Variants in MCPH1 observed in about 807,000 individuals in gnomAD.
MCPH1 encodes the protein microcephalin.
Under a neutral mutation model 84.5 loss-of-function variants are expected in MCPH1, and 104 were observed. The observed-to-expected ratio is 1.23, with a 90% CI of 1.05 to 1.45. The LOEUF (loss-of-function observed/expected upper bound fraction) is 1.45, where lower values mean the gene tolerates loss of function less well. Among genes scored for constraint, MCPH1 ranks in the 40% most tolerant of loss-of-function variants. The pLI is 0.00. For synonymous variants in MCPH1, 514 were observed against 366.8 expected (o/e 1.40, Z -4.58); for missense variants, 1,498 against 1,005.7 (o/e 1.49, Z -6.62).
At chr8:6,415,116 G>C (rs1486259952) in intron 3 of MCPH1, among the ~76,000 whole-genome samples, 1 of 151,906 alleles carries the variant, frequency 6.6e-6, no homozygotes, top group African/African-American at 2.4e-5. Flanking sequence ...TCCTGAAGCT[G>C]GGTATGCAAG....
intron 12 of MCPH1, among the ~76,000 whole-genome samples, chr8:6,581,022 G>T (rs1827527646): frequency 1.3e-5 from 2 of 152,130 alleles, no homozygotes; most frequent in Admixed American, 1.3e-4. Flanking sequence ...TATTTACATA[G>T]CATTTACATT....
rs148974422 is a variant in MCPH1, at chr8:6,646,461, T to C, written c.*3412T>C. On this transcript the variant is annotated 3_prime_UTR_variant, in exon 14 of 14. Transcript: ENST00000344683. ...ATTCAGGTATAAATCTTCATATTTATGGCTGATTGACTTTGAACAAAGGTG... is the reference window on the plus strand; with the variant it reads ...ATTCAGGTATAAATCTTCATATTTACGGCTGATTGACTTTGAACAAAGGTG... 7.9e-5 allele frequency: 12 copies of C among 152,338 alleles called. No individual in the cohort carries two copies. Among genetic ancestry groups the C allele is most frequent in the Non-Finnish European group, 1.5e-4 (10 of 68,034 alleles). The allele number at this position is 152,338 out of a possible 1,614,324, so 9.4% of individuals were successfully genotyped here.
At position 6,461,887 on chromosome 8, in the gene MCPH1, C is replaced by T. The variant is rs375527190; in HGVS notation, c.1935+6635C>T. Among the ~76,000 whole-genome samples, 482 of 151,890 alleles carry T rather than the reference C, an allele frequency of 3.2e-3. 7 individuals carry two copies. The highest frequency in any genetic ancestry group is 0.011 in the African/African-American group (447 of 41,482). On this transcript the variant is annotated intron_variant, in intron 9 of 13. Coordinates refer to ENST00000344683, the MANE Select transcript of MCPH1 (RefSeq NM_024596.5). ...TACACGAATGTAATTTTTTTTTCTC[C>T]AAGTATTTGGTTTATTCTACTACTT...
rs1460088820 is a variant in MCPH1 at position 6,513,791 on chromosome 8, T to A, written c.2214+13862T>A. On this transcript the variant is annotated intron_variant, in intron 12 of 13. Coordinates refer to ENST00000344683, the MANE Select transcript of MCPH1 (RefSeq NM_024596.5). Reference sequence around the variant, plus strand: ...GCACATAGCGTTGCTGATTAGTCAGTTGCGAAACAAACTCATTTCCCAGCC... The same window carrying A: ...GCACATAGCGTTGCTGATTAGTCAGATGCGAAACAAACTCATTTCCCAGCC... 2.5e-6 allele frequency: 4 copies of A among 1,613,884 alleles called. No individual in the cohort carries two copies. In the African/African-American group the frequency reaches 5.3e-5, roughly 22 times the overall value.
intron 12 of MCPH1, among the ~76,000 whole-genome samples, chr8:6,609,405 A>G (rs900709247): frequency 3.3e-5 from 5 of 152,220 alleles, no homozygotes; most frequent in African/African-American, 1.2e-4. Flanking sequence ...CTTTTTAAAA[A>G]GTTATTTGTG....
intron 12 of MCPH1, among the ~76,000 whole-genome samples, chr8:6,599,034 C>A (rs1829156268): frequency 6.6e-6 from 1 of 152,198 alleles, no homozygotes; most frequent in African/African-American, 2.4e-5. Flanking sequence ...GATGCTACTT[C>A]CTAGCGCGAA....
At chr8:6,480,688 T>C in intron 10 of MCPH1, 26 bp from the exon 11 acceptor site, 1 of 1,614,008 alleles carries the variant, frequency 6.2e-7, no homozygotes, top group Non-Finnish European at 8.5e-7. Flanking sequence ...TCATTCATTT[T>C]GTTAATTTTT....
chr8:6,573,979 T>C (rs548230167), intron 12 of MCPH1, among the ~76,000 whole-genome samples: 1 of 152,200 alleles, frequency 6.6e-6, no homozygotes, highest in African/African-American at 2.4e-5. Context: ...TCTGGGAGAA[T>C]GCACTTTCAT....
At chr8:6,604,849 C>A (rs1054242880) in intron 12 of MCPH1, among the ~76,000 whole-genome samples, 1 of 152,218 alleles carries the variant, frequency 6.6e-6, no homozygotes, top group Non-Finnish European at 1.5e-5. Flanking sequence ...GAATTACCAA[C>A]TTAAGTACAA....
intron 6 of MCPH1, among the ~76,000 whole-genome samples, chr8:6,439,304 T>A (rs1310897757): frequency 1.3e-5 from 2 of 151,920 alleles, no homozygotes; most frequent in East Asian, 3.8e-4. Context: ...TCTTCAAGTT[T>A]AAAATCCTAT....
In MCPH1 at chr8:6,442,037, T is replaced by A. The variant is rs376998674; in HGVS notation, c.581-30T>A. 125 of 1,475,444 alleles carry A rather than the reference T, an allele frequency of 8.5e-5. No homozygotes were observed. The Middle Eastern group carries it at 1.4e-3, about 16-fold the overall frequency. 91.4% of individuals were successfully genotyped at this position (1,475,444 alleles called of 1,614,324 possible). A position where few individuals can be genotyped will look rare whatever the true frequency, so the allele number is the denominator to read the frequency against. ...TCTGCTAAGAAATACTGAAACTTTA[T>A]CTAATGCAGTGTCTTGGTCCTGTTT... On this transcript the variant is annotated intron_variant, in intron 6 of 13. Transcript: ENST00000344683.
At chr8:6,570,059 A>G (rs1353792581) in intron 12 of MCPH1, among the ~76,000 whole-genome samples, 1 of 152,192 alleles carries the variant, frequency 6.6e-6, no homozygotes, top group African/African-American at 2.4e-5. Context: ...ATATTGTCTA[A>G]ATGGATCAGT....
chr8:6,491,428 A>G (rs1186011377), intron 11 of MCPH1, among the ~76,000 whole-genome samples: 4 of 150,750 alleles, frequency 2.7e-5, no homozygotes, highest in Non-Finnish European at 5.9e-5. Flanking sequence ...CAGAAGGACA[A>G]TTAGCTTTAA....
intron 12 of MCPH1, among the ~76,000 whole-genome samples, chr8:6,591,831 T>C (rs893461963): frequency 6.6e-6 from 1 of 152,172 alleles, no homozygotes; most frequent in African/African-American, 2.4e-5. Context: ...ACTCTATATT[T>C]GTTGAAATAC....
intron 2 of MCPH1, among the ~76,000 whole-genome samples, chr8:6,411,826 G>T (rs1798575175): frequency 6.6e-6 from 1 of 152,244 alleles, no homozygotes; most frequent in Non-Finnish European, 1.5e-5. Context: ...GAGGGGTTGG[G>T]GGCGGGACGC....
intron 12 of MCPH1, among the ~76,000 whole-genome samples, chr8:6,540,607 T>A (rs1032242901): frequency 6.6e-6 from 1 of 152,250 alleles, no homozygotes; most frequent in South Asian, 2.1e-4. Context: ...CACGTCTGCA[T>A]ATATAGATAT....
intron 6 of MCPH1, among the ~76,000 whole-genome samples, chr8:6,440,761 G>A (rs1359062719): frequency 1.3e-5 from 2 of 152,122 alleles, no homozygotes; most frequent in African/African-American, 4.8e-5. Flanking sequence ...CTTTTAATGT[G>A]ATCAACTATT....
At chr8:6,465,188 C>G (rs577137120) in intron 9 of MCPH1, among the ~76,000 whole-genome samples, 2 of 152,098 alleles carry the variant, frequency 1.3e-5, no homozygotes, top group African/African-American at 4.8e-5. Context: ...TCCAATTAAT[C>G]TGTTTGAGAT....
chr8:6,624,791 A>G, intron 13 of MCPH1: 1 of 985,104 alleles, frequency 1.0e-6, no homozygotes, highest in Non-Finnish European at 1.2e-6. Flanking sequence ...AACCTACAGA[A>G]CACACAGTCC....
Sources: allele counts gnomAD v4.1 joint callset (sites outside exome capture counted in the v4.1 genomes callset), GRCh38; gene constraint gnomAD v4.1.1; transcripts MANE v1.5; gene names NCBI Gene and HGNC (gene_info 2026-07-23, HGNC 2026-07-21).